The following SAMHD1 variants were observed in gnomAD, a reference collection of about 807,000 sequenced individuals.
The protein encoded by SAMHD1 is SAM and HD domain containing deoxynucleoside triphosphate triphosphohydrolase 1, also known as deoxynucleoside triphosphate triphosphohydrolase SAMHD1.
Under a neutral mutation model 79.6 loss-of-function variants are expected in SAMHD1, and 54 were observed. That is an observed-to-expected ratio of 0.68 (90% confidence interval 0.55 to 0.85). The LOEUF (loss-of-function observed/expected upper bound fraction) is 0.85, where lower values mean the gene tolerates loss of function less well. Among genes scored for constraint, SAMHD1 ranks in the 40% least tolerant of loss-of-function variants. The pLI is 0.00. For missense variants in SAMHD1, 663 were observed against 782.7 expected, an observed-to-expected ratio of 0.85 and a Z score of 1.82; for synonymous variants, 260 against 264.1, an observed-to-expected ratio of 0.98 and a Z score of 0.15.
At chr20:36,916,111 AGATC>A (rs1568769214) in intron 9 of SAMHD1, among the ~76,000 whole-genome samples, 2 of 151,666 alleles carry the variant, frequency 1.3e-5, no homozygotes, top group South Asian at 4.2e-4. Flanking sequence ...CAGTGAGCCG[AGATC>A]GTGCCACTGC....
At position 36,897,894 on chromosome 20, in the gene SAMHD1, G is replaced by C. The variant is rs1252711773; in HGVS notation, c.1674C>G (p.Asp558Glu). 6.2e-7 allele frequency: 1 copy of C among 1,614,146 alleles called. No homozygotes were observed. The highest frequency in any genetic ancestry group is 8.5e-7 in the Non-Finnish European group (1 of 1,180,024). Residue 558 changes from aspartate (D) to glutamate (E), a missense_variant, in exon 15 of 16, where the codon GAC (aspartate) becomes GAG (glutamate). Coordinates refer to ENST00000646673, the MANE Select transcript of SAMHD1 (RefSeq NM_015474.4). ...GTCTTGCGGCATACAAACTCTTTCT[G>C]TCCACCTTCTTACAATATACTCGAA... ...QLIRVYCKKV[D>E]RKSLYAARQY...
intron 4 of SAMHD1, chr20:36,934,671 TTTTG>T: frequency 6.4e-6 from 1 of 156,238 alleles, no homozygotes; most frequent in Non-Finnish European, 1.4e-5. Flanking sequence ...TTTTTTTTTT[TTTTG>T]AGATGGGGTT....
rs767155031 is a variant in SAMHD1 at position 36,892,937 on chromosome 20, T to C, written c.1876A>G (p.Met626Val). ...AAACAACTGACTACAGACATTCACA[T>C]TGGGTCATCTTTAAAAAGCTGGACT... ...SRVQLFKDDPM is the reference protein window; with the variant it reads ...SRVQLFKDDPV Residue 626 changes from methionine to valine, a missense_variant, in exon 16 of 16, where the codon ATG becomes GTG. Transcript: ENST00000646673. 13 of 1,613,954 alleles carry C rather than the reference T, an allele frequency of 8.1e-6. No individual in the cohort carries two copies. The highest frequency in any genetic ancestry group is 1.1e-5 in the Non-Finnish European group (13 of 1,180,028).
chr20:36,900,093 C>CAAA (rs376368527), intron 13 of SAMHD1, among the ~76,000 whole-genome samples: 5 of 108,760 alleles, frequency 4.6e-5, no homozygotes, highest in East Asian at 6.1e-4. Context: ...GACTCCGTCT[C>CAAA]AAAAAAAAAA....
chr20:36,924,389 G>C (rs1428697027), intron 6 of SAMHD1, among the ~76,000 whole-genome samples: 1 of 150,358 alleles, frequency 6.7e-6, no homozygotes, highest in Non-Finnish European at 1.5e-5. Context: ...AAGTGAGAAA[G>C]AGAAAAAGAG....
intron 6 of SAMHD1, among the ~76,000 whole-genome samples, chr20:36,921,045 C>CT (rs2063500777): frequency 6.6e-6 from 1 of 151,904 alleles, no homozygotes; most frequent in African/African-American, 2.4e-5. Context: ...ATGTTCATGC[C>CT]TGTACTCCAG....
rs2148355462 is a variant in SAMHD1, at chr20:36,897,804, G to C, written c.1746+18C>G. The C allele has an allele frequency of 6.2e-7, 1 of 1,614,108 alleles. No homozygotes were observed. Among genetic ancestry groups the C allele is most frequent in the Non-Finnish European group, 8.5e-7 (1 of 1,179,980 alleles). On this transcript the variant is annotated intron_variant, in intron 15 of 15. Transcript: ENST00000646673. ...AAATAAAAAATTGTGCAAAGTTTGT[G>C]AGTAACAGGCCACCTACCTGCGGCT...
chr20:36,918,132 G>A (rs1370757315), intron 7 of SAMHD1, among the ~76,000 whole-genome samples: 1 of 151,704 alleles, frequency 6.6e-6, no homozygotes, highest in Non-Finnish European at 1.5e-5. Flanking sequence ...TGAGACTACA[G>A]GCATGAGACA....
At chr20:36,912,313 A>G in intron 10 of SAMHD1, 148 bp downstream of exon 10, 1 of 645,210 alleles carries the variant, frequency 1.5e-6, no homozygotes, top group South Asian at 1.7e-5. Context: ...ACTTTATGCT[A>G]GATTTTTTTT....
In SAMHD1 at chr20:36,890,516, G is replaced by A. The variant is rs1374084212; in HGVS notation, c.*2416C>T. ...TTTCGCTCTTGACCCCGAGGCTGGA[G>A]TGCAGTGGCCTGATCTTGGCTCACT... On this transcript the variant is annotated 3_prime_UTR_variant, in exon 16 of 16. Coordinates refer to ENST00000646673, the MANE Select transcript of SAMHD1 (RefSeq NM_015474.4). The A allele has an allele frequency of 6.6e-6, 1 of 151,006 alleles. No homozygotes were observed. The highest frequency in any genetic ancestry group is 1.5e-5 in the Non-Finnish European group (1 of 67,908). The allele number at this position is 151,006 out of a possible 1,614,324, so 9.4% of individuals were successfully genotyped here. A position where few individuals can be genotyped will look rare whatever the true frequency, so the allele number is the denominator to read the frequency against.
chr20:36,923,530 A>G (rs1347047508), intron 6 of SAMHD1, among the ~76,000 whole-genome samples: 2 of 152,198 alleles, frequency 1.3e-5, no homozygotes, highest in Non-Finnish European at 2.9e-5. Flanking sequence ...CAAACAGAAA[A>G]AATTAAGTTT....
chr20:36,951,496 C>T lies in SAMHD1; in HGVS notation c.148G>A (p.Val50Met). ...PDYKTWGPEQVCSFLRRGGFE... is the reference protein window; with the variant it reads ...PDYKTWGPEQMCSFLRRGGFE... ...CCACCGCGCCTGAGGAAGGAGCACA[C>T]CTGCTCCGGACCCCATGTCTTGTAG... Residue 50 changes from valine to methionine, a missense_variant, in exon 1 of 16, where the codon GTG becomes ATG. By Grantham distance (21) the Val-to-Met change is conservative. Transcript: ENST00000646673. The T allele has an allele frequency of 6.2e-7, 1 of 1,614,160 alleles. No individual in the cohort carries two copies. The highest frequency in any genetic ancestry group is 8.5e-7 in the Non-Finnish European group (1 of 1,179,996).
At chr20:36,889,879 A>G (rs1990018066), downstream of SAMHD1, 1 of 152,564 alleles carries the variant, frequency 6.6e-6, no homozygotes, top group Non-Finnish European at 1.5e-5. Flanking sequence ...TAACATTTTC[A>G]TGTATATCCT....
At chr20:36,928,205 G>A (rs557850235) in intron 5 of SAMHD1, among the ~76,000 whole-genome samples, 1 of 151,026 alleles carries the variant, frequency 6.6e-6, no homozygotes, top group East Asian at 2.0e-4. Flanking sequence ...CGGCCAACAT[G>A]GTAAAAACCC....
chr20:36,903,491 G>A (rs1042284823), intron 13 of SAMHD1, among the ~76,000 whole-genome samples: 3 of 151,264 alleles, frequency 2.0e-5, no homozygotes, highest in African/African-American at 4.9e-5. Flanking sequence ...GACCCGCCTC[G>A]GCTTCCCAAA....
chr20:36,897,715 C>A (rs936400631), intron 15 of SAMHD1, 107 bp downstream of exon 15: 1 of 1,267,842 alleles, frequency 7.9e-7, no homozygotes, highest in African/African-American at 1.5e-5. Context: ...AAAACCATAA[C>A]CAAATGACTA....
At chr20:36,951,415 C>T in intron 1 of SAMHD1, 21 bp downstream of exon 1, 1 of 1,612,798 alleles carries the variant, frequency 6.2e-7, no homozygotes, top group Non-Finnish European at 8.5e-7. Context: ...CTTCGCCCCT[C>T]AGCCCCTCCG....
intron 2 of SAMHD1, among the ~76,000 whole-genome samples, chr20:36,941,428 C>T (rs2063643621): frequency 6.6e-6 from 1 of 152,122 alleles, no homozygotes; most frequent in Non-Finnish European, 1.5e-5. Flanking sequence ...TTCCTTTTAA[C>T]CAAACTGAAG....
At chr20:36,911,072 A>G (rs899777473) in intron 11 of SAMHD1, 146 bp downstream of exon 11, 13 of 571,108 alleles carry the variant, frequency 2.3e-5, no homozygotes, top group Non-Finnish European at 3.7e-5. Flanking sequence ...TGGGCAATAT[A>G]GTGAGACCCT....
Sources: gnomAD v4.1 joint callset for allele counts (sites outside exome capture counted in the v4.1 genomes callset) on GRCh38, gnomAD v4.1.1 for gene constraint, MANE v1.5 for transcripts, NCBI Gene and HGNC (gene_info 2026-07-23, HGNC 2026-07-21) for gene names.